HMGXB4: variants seen among roughly 807,000 people sequenced by gnomAD.
The protein encoded by HMGXB4 is HMG-box containing 4.
A neutral mutation model predicts 63.9 loss-of-function variants in HMGXB4; 27 were observed. That is an observed-to-expected ratio of 0.42 (90% CI 0.31 to 0.58). The LOEUF is 0.58. Among genes scored for constraint, HMGXB4 ranks in the 20% least tolerant of loss-of-function variants. HMGXB4 has a pLI of 0.13. For missense variants in HMGXB4, 624 were observed against 700.7 expected, an observed-to-expected ratio of 0.89 and a Z score of 1.24; for synonymous variants, 264 against 265.3, an observed-to-expected ratio of 0.99 and a Z score of 0.05.
At chr22:35,247,940 T>C in the HMGXB4 span, among the ~76,000 whole-genome samples, 2 of 152,188 alleles carry the variant, frequency 1.3e-5, no homozygotes, top group African/African-American at 2.4e-5. Context: ...TTTATTGTTA[T>C]GCAATCACCA....
chr22:35,286,804 C>A (rs988845184), intron 7 of HMGXB4: 1 of 145,924 alleles, frequency 6.9e-6, no homozygotes, highest in Admixed American at 7.1e-5. Flanking sequence ...GAGCCAAGAT[C>A]ACACCATTGC....
At position 35,265,476 on chromosome 22, in the gene HMGXB4, C is replaced by G. The variant is rs766968478; in HGVS notation, c.1088C>G (p.Pro363Arg). The G allele has an allele frequency of 6.2e-6, 10 of 1,614,076 alleles. No individual in the cohort carries two copies. The highest frequency in any genetic ancestry group is 8.5e-6 in the Non-Finnish European group (10 of 1,180,028). ...VGEVTVTSGP[P>R]PSIPYAGAAA... ...GAGGTCACAGTGACATCTGGCCCTC[C>G]TCCCAGCATCCCATACGCTGGAGCA... The change falls in exon 5 of 11, where the codon CCT (proline) becomes CGT (arginine). Residue 363 changes from proline (P) to arginine (R), a missense_variant. By Grantham distance (103) the Pro-to-Arg change is moderately radical. This residue lies in a region of HMGXB4 where 472 missense variants were observed against 470.6 expected (regional missense o/e 1.00). Transcript: ENST00000216106.
the HMGXB4 span, chr22:35,249,954 C>T: frequency 1.0e-5 from 1 of 98,730 alleles, no homozygotes; most frequent in South Asian, 3.6e-4. Flanking sequence ...GGCCCAGGTC[C>T]TTCCAGGTTA....
At chr22:35,284,822 T>C (rs527454027) in intron 6 of HMGXB4, among the ~76,000 whole-genome samples, 2 of 152,334 alleles carry the variant, frequency 1.3e-5, no homozygotes, top group East Asian at 3.9e-4. Context: ...CCTGGACACA[T>C]GTCACTTAAC....
chr22:35,284,330 G>A (rs1360020278), intron 6 of HMGXB4, among the ~76,000 whole-genome samples: 1 of 152,134 alleles, frequency 6.6e-6, no homozygotes, highest in Non-Finnish European at 1.5e-5. Flanking sequence ...TTCTACAATT[G>A]GCCTTTTCCT....
At chr22:35,291,607 G>A (rs1924938849) in intron 9 of HMGXB4, among the ~76,000 whole-genome samples, 1 of 152,180 alleles carries the variant, frequency 6.6e-6, no homozygotes, top group African/African-American at 2.4e-5. Context: ...ACTAATTACT[G>A]ACATTTTTGG....
chr22:35,253,039 G>A (rs538872604), upstream of HMGXB4, among the ~76,000 whole-genome samples: 18 of 151,672 alleles, frequency 1.2e-4, no homozygotes, highest in Non-Finnish European at 2.2e-4. Context: ...GGCTGAGGCA[G>A]GAGAATCGCT....
At position 35,265,038 on chromosome 22, in the gene HMGXB4, A is replaced by G; in HGVS notation, c.650A>G (p.Gln217Arg). 1.2e-6 allele frequency: 2 copies of G among 1,613,954 alleles called. No homozygotes were observed. Among genetic ancestry groups the G allele is most frequent in the Non-Finnish European group, 1.7e-6 (2 of 1,179,822 alleles). Reference sequence around the variant, plus strand: ...GAGTCTTTTCAATATCCCTCCCAACAAGCGACTGTGAAAAAATCCTCAAAG... The same window carrying G: ...GAGTCTTTTCAATATCCCTCCCAACGAGCGACTGTGAAAAAATCCTCAAAG... ...DEESFQYPSQ[Q>R]ATVKKSSKKS... Residue 217 changes from glutamine to arginine, a missense_variant, in exon 5 of 11, where the codon CAA becomes CGA. Gln to Arg is a conservative substitution (Grantham distance 43, BLOSUM62 1). Around this residue, in one of 2 missense-constraint regions of HMGXB4, gnomAD observed 472 missense variants for 470.6 expected, o/e 1.00. Coordinates refer to ENST00000216106, the MANE Select transcript of HMGXB4 (RefSeq NM_001003681.3).
chr22:35,280,676 A>C (rs1287495088), intron 5 of HMGXB4, among the ~76,000 whole-genome samples: 1 of 152,238 alleles, frequency 6.6e-6, no homozygotes, highest in Non-Finnish European at 1.5e-5. Context: ...TCTTCCGGAC[A>C]GAATCCATGC....
At chr22:35,286,086 AT>A (rs1428934216) in intron 7 of HMGXB4, 25 bp downstream of exon 7, 6 of 1,533,708 alleles carry the variant, frequency 3.9e-6, no homozygotes, top group African/African-American at 2.7e-5. Flanking sequence ...TTACAAACAT[AT>A]TTTTCAGTGC....
chr22:35,250,905 T>C, the HMGXB4 span, among the ~76,000 whole-genome samples: 15 of 152,134 alleles, frequency 9.9e-5, no homozygotes, highest in Non-Finnish European at 2.2e-4. Flanking sequence ...TGACTCCTTC[T>C]GAAGTTTTCA....
At chr22:35,292,369 G>A (rs1348682952) in intron 9 of HMGXB4, among the ~76,000 whole-genome samples, 1 of 152,196 alleles carries the variant, frequency 6.6e-6, no homozygotes, top group African/African-American at 2.4e-5. Context: ...GGACTGTGCT[G>A]TGTTGCTTCC....
rs4289283 is a variant in HMGXB4, at chr22:35,279,699, T to G, written c.1216-4263T>G. Among the ~76,000 whole-genome samples, 175 of 108,204 alleles carry G rather than the reference T, an allele frequency of 1.6e-3. 7 individuals are homozygous for G. Among genetic ancestry groups the G allele is most frequent in the Admixed American group, 2.4e-3 (22 of 9,150 alleles). The allele number at this position is 108,204 out of a possible 152,430, so 71.0% of individuals were successfully genotyped here. The stretch of plus-strand genomic sequence containing the variant: ...TTCCTTTTTTTTTTTTTTTTTTTTT[T>G]GGCATGTGGATATCCAATTGTCCCA... On this transcript the variant is annotated intron_variant, in intron 5 of 10. Coordinates refer to ENST00000216106, the MANE Select transcript of HMGXB4 (RefSeq NM_001003681.3).
chr22:35,251,413 C>T, the HMGXB4 span, among the ~76,000 whole-genome samples: 6 of 152,190 alleles, frequency 3.9e-5, no homozygotes, highest in African/African-American at 9.7e-5. Flanking sequence ...TCTCATCTGC[C>T]TCCTCTGAGT....
At chr22:35,284,949 A>G (rs989144248) in intron 6 of HMGXB4, among the ~76,000 whole-genome samples, 1 of 152,260 alleles carries the variant, frequency 6.6e-6, no homozygotes, top group Non-Finnish European at 1.5e-5. Flanking sequence ...ATACAATGGA[A>G]GGGTAAGATT....
At chr22:35,280,818 T>C (rs918585819) in intron 5 of HMGXB4, among the ~76,000 whole-genome samples, 2 of 152,290 alleles carry the variant, frequency 1.3e-5, no homozygotes, top group Middle Eastern at 3.4e-3. Flanking sequence ...TTAACCACCC[T>C]TCATCTGCCT....
At chr22:35,262,211 T>C in intron 1 of HMGXB4, 112 bp from the exon 2 acceptor site, 2 of 657,174 alleles carry the variant, frequency 3.0e-6, no homozygotes, top group Admixed American at 4.9e-5. Flanking sequence ...ACACTTTTTA[T>C]TTCTTGCTGC....
At chr22:35,268,334 T>A (rs2235147) in intron 5 of HMGXB4, among the ~76,000 whole-genome samples, 1 of 151,988 alleles carries the variant, frequency 6.6e-6, no homozygotes, top group Non-Finnish European at 1.5e-5. Context: ...CAACTATTTC[T>A]GCACAAATAT....
At chr22:35,266,493 C>G (rs1249095525) in intron 5 of HMGXB4, among the ~76,000 whole-genome samples, 1 of 152,170 alleles carries the variant, frequency 6.6e-6, no homozygotes, top group African/African-American at 2.4e-5. Context: ...AGGGAGCTCA[C>G]TGTTGATTAG....
Sources: gnomAD v4.1 joint callset for allele counts (sites outside exome capture counted in the v4.1 genomes callset) on GRCh38, gnomAD v4.1.1 for gene constraint, gnomAD v4.1.1 regional missense constraint, MANE v1.5 for transcripts, NCBI Gene and HGNC (gene_info 2026-07-23, HGNC 2026-07-21) for gene names.